The following ZNF726 variants were observed in gnomAD, a reference collection of about 807,000 sequenced individuals.
ZNF726 encodes the protein zinc finger protein 92 pseudogene 3.
ZNF726 carries 15 observed loss-of-function variants against 11.6 expected under a neutral mutation model. The ratio of observed to expected loss-of-function variants is 1.29; its 90% CI spans 0.86 to 1.99. The LOEUF is 1.99. ZNF726 is among the 30% of genes most tolerant of loss of function. The probability of loss-of-function intolerance (pLI) is 0.00; values close to 1 mark genes in which losing one functional copy is unlikely to be tolerated. For missense variants in ZNF726, 890 were observed against 725.6 expected (o/e 1.23, Z -2.60); for synonymous variants, 295 against 243.6 (o/e 1.21, Z -1.96).
At chr19:23,926,287 G>C (rs1024495457) in intron 3 of ZNF726, among the ~76,000 whole-genome samples, 7 of 152,046 alleles carry the variant, frequency 4.6e-5, no homozygotes, top group Admixed American at 4.6e-4. Context: ...GGGTGCGGTG[G>C]CTCATGCCTG....
chr19:23,922,431 A>T (rs1299846468), intron 3 of ZNF726, among the ~76,000 whole-genome samples: 4 of 152,214 alleles, frequency 2.6e-5, no homozygotes, highest in Non-Finnish European at 5.9e-5. Context: ...GAGGCCTGCC[A>T]TCATGGCTAT....
In ZNF726 at chr19:23,922,922, C is replaced by CTTT. The variant is rs372633600; in HGVS notation, c.226+2851_226+2853dup. The stretch of plus-strand genomic sequence containing the variant: ...GTCAGGGGATAAGCAAATAGGTCAC[C>CTTT]TTTTTTTTTTTTTATCTTATTAATG... On this transcript the variant is annotated intron_variant, in intron 3 of 3. Coordinates refer to ENST00000594466, the MANE Select transcript of ZNF726 (RefSeq NM_001244038.2). Among the ~76,000 whole-genome samples the CTTT allele has an allele frequency of 4.8e-5, 7 of 144,772 alleles. No homozygotes were observed. In the Admixed American group the frequency reaches 4.9e-4, roughly 10 times the overall value. 95.0% of individuals were successfully genotyped at this position (144,772 alleles called of 152,430 possible). A position where few individuals can be genotyped will look rare whatever the true frequency, so the allele number is the denominator to read the frequency against.
At chr19:23,925,953 G>T (rs868440321) in intron 3 of ZNF726, among the ~76,000 whole-genome samples, 29 of 151,816 alleles carry the variant, frequency 1.9e-4, no homozygotes, top group Middle Eastern at 3.2e-3. Flanking sequence ...CTGTCCTCGT[G>T]ATCCGCCTGC....
rs760223856 is a variant in ZNF726 at position 23,933,386 on chromosome 19, C to A, written c.1270C>A (p.Pro424Thr). The change falls in exon 4 of 4, where the codon CCT (proline) becomes ACT (threonine). Residue 424 changes from proline (P) to threonine (T), a missense_variant. Pro to Thr is a conservative substitution (Grantham distance 38). Transcript: ENST00000594466. ...KHKIIHTGEK[P>T]YKCEECGKAF... ...TAAGATAATTCATACTGGAGAGAAACCTTACAAGTGTGAAGAATGCGGCAA... is the reference window on the plus strand; with the variant it reads ...TAAGATAATTCATACTGGAGAGAAAACTTACAAGTGTGAAGAATGCGGCAA... 7.4e-6 allele frequency: 12 copies of A among 1,612,568 alleles called. No homozygotes were observed. Among genetic ancestry groups the A allele is most frequent in the South Asian group, 2.2e-5 (2 of 91,004 alleles).
chr19:23,930,687 A>G (rs1391950129), intron 3 of ZNF726, among the ~76,000 whole-genome samples: 1 of 150,506 alleles, frequency 6.6e-6, no homozygotes, highest in Non-Finnish European at 1.5e-5. Flanking sequence ...TCATAAAATT[A>G]TTGTAATTTC....
At chr19:23,922,922 C>CT (rs372633600) in intron 3 of ZNF726, among the ~76,000 whole-genome samples, 10,193 of 144,700 alleles carry the variant, frequency 0.07, 439 homozygotes, top group Middle Eastern at 0.13. Context: ...AATAGGTCAC[C>CT]TTTTTTTTTT....
chr19:23,937,873 A>G (rs1434215013), downstream of ZNF726, among the ~76,000 whole-genome samples: 2 of 152,260 alleles, frequency 1.3e-5, no homozygotes, highest in Non-Finnish European at 2.9e-5. Flanking sequence ...CTTGAAAAAC[A>G]TTCTTTAGTT....
At position 23,933,443 on chromosome 19, in the gene ZNF726, C is replaced by T. The variant is rs865832025; in HGVS notation, c.1327C>T (p.His443Tyr). ...TATATGGTCCTCAAACCTTACTGAA[C>T]ATAAGAAAATTCATACTAGAGAGAA... Reference protein sequence around the residue: ...AFIWSSNLTEHKKIHTREKPY... With the variant: ...AFIWSSNLTEYKKIHTREKPY... The change falls in exon 4 of 4, where the codon CAT (histidine) becomes TAT (tyrosine). Residue 443 changes from histidine (H) to tyrosine (Y), a missense_variant. Transcript: ENST00000594466. 1.7e-5 allele frequency: 27 copies of T among 1,612,280 alleles called. No homozygotes were observed. In the Middle Eastern group the frequency reaches 1.8e-3, roughly 108 times the overall value.
intron 1 of ZNF726, among the ~76,000 whole-genome samples, chr19:23,917,919 G>A (rs1967744087): frequency 6.6e-6 from 1 of 152,176 alleles, no homozygotes. Flanking sequence ...AGAGTAAGCA[G>A]GAACAAAGGA....
At chr19:23,921,626 A>G (rs1391421078) in intron 3 of ZNF726, 1 of 152,152 alleles carries the variant, frequency 6.6e-6, no homozygotes, top group Non-Finnish European at 1.5e-5. Context: ...TCTAAAATTG[A>G]TTATTTTATT....
At chr19:23,941,405 A>G (rs1239304347) in intron 3 of ZNF726, among the ~76,000 whole-genome samples, 1 of 152,146 alleles carries the variant, frequency 6.6e-6, no homozygotes, top group Non-Finnish European at 1.5e-5. Flanking sequence ...GAATTTTAGC[A>G]TCAATGTTTG....
chr19:23,915,089 T>G, intron 1 of ZNF726, 92 bp downstream of exon 1: 2 of 1,589,890 alleles, frequency 1.3e-6, no homozygotes, highest in Non-Finnish European at 1.7e-6. Flanking sequence ...GCCTCCTCGC[T>G]GTCAGTTTTA....
At chr19:23,930,147 C>A (rs1190620391) in intron 3 of ZNF726, among the ~76,000 whole-genome samples, 1 of 152,026 alleles carries the variant, frequency 6.6e-6, no homozygotes, top group Non-Finnish European at 1.5e-5. Context: ...AACACCCTTA[C>A]CTTTTATTTT....
intron 3 of ZNF726, among the ~76,000 whole-genome samples, chr19:23,929,453 G>C (rs1489613484): frequency 2.6e-5 from 4 of 152,170 alleles, no homozygotes; most frequent in African/African-American, 9.7e-5. Context: ...AGACAAGAGA[G>C]GGAGCTTGTG....
rs1346270186 is a variant in ZNF726, at chr19:23,914,989, C to G, written c.-6C>G. 1 of 1,613,608 alleles carries G rather than the reference C, an allele frequency of 6.2e-7. No homozygotes were observed. The highest frequency in any genetic ancestry group is 2.2e-5 in the East Asian group (1 of 44,878). On this transcript the variant is annotated 5_prime_UTR_variant, in exon 1 of 4. Transcript: ENST00000594466. The stretch of plus-strand genomic sequence containing the variant: ...GCCCTGTGACCTGCCCCCTGGAAGC[C>G]TAGAAATGGTGAGAGTGCCGGGTGC...
At chr19:23,944,172 G>T (rs1304423613) in intron 4 of ZNF726, 1 of 151,880 alleles carries the variant, frequency 6.6e-6, no homozygotes, top group Admixed American at 6.6e-5. Flanking sequence ...TATATTTGCT[G>T]GCAAAATATT....
intron 3 of ZNF726, among the ~76,000 whole-genome samples, chr19:23,941,204 G>T (rs1429874205): frequency 6.6e-6 from 1 of 152,080 alleles, no homozygotes; most frequent in Non-Finnish European, 1.5e-5. Context: ...GCTGGATTTT[G>T]TCAAATGGTT....
At chr19:23,916,981 C>A (rs1254053807) in intron 1 of ZNF726, among the ~76,000 whole-genome samples, 1 of 152,140 alleles carries the variant, frequency 6.6e-6, no homozygotes, top group Non-Finnish European at 1.5e-5. Context: ...GACAGAGTTT[C>A]CCTCTGTCAC....
At chr19:23,917,784 G>A (rs1047396117) in intron 1 of ZNF726, among the ~76,000 whole-genome samples, 19 of 152,002 alleles carry the variant, frequency 1.2e-4, no homozygotes, top group Admixed American at 4.6e-4. Flanking sequence ...ATGTTCTTTC[G>A]TTATATGAAC....
Sources: gnomAD v4.1 joint callset for allele counts (sites outside exome capture counted in the v4.1 genomes callset) on GRCh38, gnomAD v4.1.1 for gene constraint, MANE v1.5 for transcripts, NCBI Gene and HGNC (gene_info 2026-07-23, HGNC 2026-07-21) for gene names.